ITGA9: variants seen among roughly 807,000 people sequenced by gnomAD.
The protein encoded by ITGA9 is integrin alpha-9.
In ITGA9, 56 loss-of-function variants were observed where a neutral mutation model predicts 127.8. That is an observed-to-expected ratio of 0.44 (90% CI 0.35 to 0.55). The LOEUF (loss-of-function observed/expected upper bound fraction) is 0.55, where lower values mean the gene tolerates loss of function less well. Among genes scored for constraint, ITGA9 ranks in the 20% least tolerant of loss-of-function variants. The pLI, the probability that ITGA9 is intolerant of heterozygous loss-of-function variation, is 0.00. For synonymous variants in ITGA9, 508 were observed against 514.5 expected, an observed-to-expected ratio of 0.99 and a Z score of 0.17; for missense variants, 1,196 against 1,347.1, an observed-to-expected ratio of 0.89 and a Z score of 1.76.
At chr3:37,563,712 G>T (rs181615374) in intron 15 of ITGA9, among the ~76,000 whole-genome samples, 3 of 152,336 alleles carry the variant, frequency 2.0e-5, no homozygotes, top group African/African-American at 7.2e-5. Context: ...CAGATGTTGG[G>T]TTGGTCCTGG....
At chr3:37,534,070 T>TA (rs1371887344) in intron 14 of ITGA9, among the ~76,000 whole-genome samples, 1 of 152,212 alleles carries the variant, frequency 6.6e-6, no homozygotes, top group African/African-American at 2.4e-5. Context: ...ATCAACTTGC[T>TA]AGCCCAGCTC....
In ITGA9 at chr3:37,508,575, C is replaced by T. The variant is rs151244517; in HGVS notation, c.845C>T (p.Ala282Val). ...ATTCCATAGGTTTATATTTTCAGAG[C>T]TGACCGAAGATCAGGCACCTTAATT... ...KGIGKVYIFR[A>V]DRRSGTLIKI... is the part of the protein sequence containing the mutation. Residue 282 changes from alanine (A) to valine (V), a missense_variant, in exon 8 of 28, where the codon GCT becomes GTT. Physicochemically the swap from Ala to Val is moderately conservative, Grantham distance 64 (BLOSUM62 0). Transcript: ENST00000264741. 10 of 1,613,050 alleles carry T rather than the reference C, an allele frequency of 6.2e-6. No homozygotes were observed. The Admixed American group carries it at 1.0e-4, about 16-fold the overall frequency.
chr3:37,732,067 C>G (rs1696299185), intron 18 of ITGA9, among the ~76,000 whole-genome samples: 1 of 152,146 alleles, frequency 6.6e-6, no homozygotes, highest in African/African-American at 2.4e-5. Flanking sequence ...CTTGGCTTTC[C>G]TTTGACCTTG....
chr3:37,523,618 TG>T lies in ITGA9; in HGVS notation c.1327+8del. 1 of 1,597,024 alleles carries T rather than the reference TG, an allele frequency of 6.3e-7. No individual in the cohort carries two copies. The highest frequency in any genetic ancestry group is 1.3e-5 in the African/African-American group (1 of 74,610). ...GATGGAAATGGCTATCCTGGTAAGC[TG>T]TTTTTCTTTAAAGGCACATGAGATA... On this transcript the variant is annotated splice_region_variant and intron_variant, in intron 12 of 27. Coordinates refer to ENST00000264741, the MANE Select transcript of ITGA9 (RefSeq NM_002207.3).
chr3:37,799,859 C>T lies in ITGA9; in HGVS notation c.2890-3964C>T, dbSNP rs967271642. ...TCACCCAGCTCATTGGTGGTGATGA[C>T]GGGACCTGATCATCAGTGCTTCTTG... On this transcript the variant is annotated intron_variant, in intron 26 of 27. Transcript: ENST00000264741. This position sits in a 1 kb window ranked among gnomAD's most constrained non-coding sequence, Gnocchi z 4.0. Among the ~76,000 whole-genome samples, 3 of 152,132 alleles carry T rather than the reference C, an allele frequency of 2.0e-5. No individual in the cohort carries two copies. Among genetic ancestry groups the T allele is most frequent in the African/African-American group, 4.8e-5 (2 of 41,426 alleles).
At chr3:37,473,157 A>G (rs1362916864) in intron 2 of ITGA9, among the ~76,000 whole-genome samples, 197 bp from the exon 3 acceptor site, 41 of 151,380 alleles carry the variant, frequency 2.7e-4, no homozygotes, top group African/African-American at 8.5e-4. Flanking sequence ...AAAAAAAAAA[A>G]AAAAGAAAGA....
At chr3:37,738,623 C>T (rs771994717) in intron 20 of ITGA9, among the ~76,000 whole-genome samples, 27 of 152,186 alleles carry the variant, frequency 1.8e-4, no homozygotes, top group Non-Finnish European at 3.1e-4. Context: ...TAAGGGGCGG[C>T]AGATGCCCAT....
intron 9 of ITGA9, 76 bp from the exon 10 acceptor site, chr3:37,517,427 GT>G: frequency 1.7e-6 from 2 of 1,187,846 alleles, no homozygotes. Context: ...TCAAACTCTG[GT>G]TTTTTATTGA....
chr3:37,628,942 A>T (rs1700202496), intron 15 of ITGA9, among the ~76,000 whole-genome samples: 1 of 152,224 alleles, frequency 6.6e-6, no homozygotes, highest in South Asian at 2.1e-4. Context: ...AAGATGATTT[A>T]GCACCATGCA....
At chr3:37,686,176 A>G (rs979459451) in intron 18 of ITGA9, among the ~76,000 whole-genome samples, 2 of 152,114 alleles carry the variant, frequency 1.3e-5, no homozygotes, top group Non-Finnish European at 2.9e-5. Context: ...TCTCGTCCGC[A>G]TCCCCTCTTC....
chr3:37,580,217 G>A (rs77864269), intron 15 of ITGA9, among the ~76,000 whole-genome samples: 1,667 of 152,242 alleles, frequency 0.011, 17 homozygotes, highest in Non-Finnish European at 0.015. Context: ...TGGAAAGATG[G>A]GAGATGTCTG....
chr3:37,704,254 A>G (rs1700979308), intron 18 of ITGA9, among the ~76,000 whole-genome samples: 1 of 152,156 alleles, frequency 6.6e-6, no homozygotes, highest in Non-Finnish European at 1.5e-5. Flanking sequence ...CTTTTCCTTC[A>G]GTACCCAAGG....
At chr3:37,615,258 T>C (rs1448722540) in intron 15 of ITGA9, among the ~76,000 whole-genome samples, 2 of 152,224 alleles carry the variant, frequency 1.3e-5, no homozygotes, top group African/African-American at 4.8e-5. Flanking sequence ...GTTTATATGC[T>C]GGATTATGTT....
intron 18 of ITGA9, among the ~76,000 whole-genome samples, chr3:37,703,053 A>G (rs13096912): frequency 0.014 from 2,072 of 152,264 alleles, 20 homozygotes; most frequent in Middle Eastern, 0.048. Flanking sequence ...CCCTGGGGAC[A>G]TATTTGAACA....
intron 15 of ITGA9, among the ~76,000 whole-genome samples, chr3:37,609,734 CT>C (rs1465565813): frequency 1.3e-5 from 2 of 152,184 alleles, no homozygotes; most frequent in African/African-American, 4.8e-5. Flanking sequence ...AGGACCTCAG[CT>C]GGGAGAGACT....
At chr3:37,783,304 A>G (rs867698237) in intron 25 of ITGA9, among the ~76,000 whole-genome samples, 8 of 152,066 alleles carry the variant, frequency 5.3e-5, no homozygotes, top group Non-Finnish European at 4.4e-5. Context: ...TATCGTTATT[A>G]ATATCCAAGT....
chr3:37,777,347 C>G, intron 23 of ITGA9, 45 bp from the exon 24 acceptor site: 1 of 1,611,304 alleles, frequency 6.2e-7, no homozygotes. Context: ...CATCATGATT[C>G]ATTCTTGAGA....
At chr3:37,813,649 A>G (rs1254540251) in intron 27 of ITGA9, among the ~76,000 whole-genome samples, 2 of 152,212 alleles carry the variant, frequency 1.3e-5, no homozygotes, top group African/African-American at 4.8e-5. Context: ...ACTTTCGGTG[A>G]CTTGTTCTCA....
intron 15 of ITGA9, among the ~76,000 whole-genome samples, chr3:37,626,618 A>C (rs188106180): frequency 2.0e-5 from 3 of 152,340 alleles, no homozygotes; most frequent in African/African-American, 7.2e-5. Flanking sequence ...TAAGAGTTCA[A>C]GGCTGCAGTG....
Sources: allele counts gnomAD v4.1 joint callset (sites outside exome capture counted in the v4.1 genomes callset), GRCh38; gene constraint gnomAD v4.1.1; non-coding constraint Gnocchi (gnomAD v3.1); transcripts MANE v1.5; gene names NCBI Gene and HGNC (gene_info 2026-07-23, HGNC 2026-07-21).